The following DAB1 variants were observed in gnomAD, a reference collection of about 807,000 sequenced individuals.
DAB1 encodes the protein disabled homolog 1.
A neutral mutation model predicts 64.6 loss-of-function variants in DAB1; 15 were observed. The observed-to-expected ratio is 0.23, with a 90% confidence interval of 0.16 to 0.36. The LOEUF (loss-of-function observed/expected upper bound fraction) is 0.36. Among genes scored for constraint, DAB1 ranks in the 10% least tolerant of loss-of-function variants. DAB1 has a pLI of 1.00. For synonymous variants in DAB1, 235 were observed against 251.9 expected (o/e 0.93, Z 0.64); for missense variants, 596 against 706.7 (o/e 0.84, Z 1.78).
At chr1:58,504,223 G>A (rs140448341) in intron 3 of DAB1, among the ~76,000 whole-genome samples, 2 of 152,328 alleles carry the variant, frequency 1.3e-5, no homozygotes, top group Non-Finnish European at 2.9e-5. Context: ...AAGATCCTGC[G>A]TGGTCTGGTC....
chr1:58,408,774 C>T (rs1644640584), intron 3 of DAB1, among the ~76,000 whole-genome samples: 1 of 152,198 alleles, frequency 6.6e-6, no homozygotes, highest in Non-Finnish European at 1.5e-5. Context: ...TTACAAAACA[C>T]CCAAGTGGAG....
At chr1:57,345,892 G>A (rs2100843451) in intron 1 of DAB1, among the ~76,000 whole-genome samples, 1 of 152,264 alleles carries the variant, frequency 6.6e-6, no homozygotes. Context: ...CAATTTAAAT[G>A]TACAACATAC....
intron 9 of DAB1, among the ~76,000 whole-genome samples, chr1:57,032,086 T>C (rs541064725): frequency 6.6e-6 from 1 of 152,314 alleles, no homozygotes; most frequent in East Asian, 1.9e-4. Context: ...ATTAGTATAC[T>C]GGTCCTTCCA....
At chr1:57,486,759 T>A (rs1440335805) in intron 7 of DAB1, among the ~76,000 whole-genome samples, 1 of 151,998 alleles carries the variant, frequency 6.6e-6, no homozygotes, top group East Asian at 1.9e-4. Context: ...CAGAGGAGAA[T>A]GTCCCACTCC....
At chr1:57,097,152 T>C (rs2100678710) in intron 4 of DAB1, among the ~76,000 whole-genome samples, 1 of 152,204 alleles carries the variant, frequency 6.6e-6, no homozygotes, top group East Asian at 1.9e-4. Context: ...ATAAAAGGAG[T>C]AAAGAATGAA....
At chr1:57,729,612 T>A (rs1302990934) in intron 6 of DAB1, among the ~76,000 whole-genome samples, 1 of 152,188 alleles carries the variant, frequency 6.6e-6, no homozygotes, top group African/African-American at 2.4e-5. Flanking sequence ...AAATACATAT[T>A]TCAGTGGCTC....
intron 2 of DAB1, 118 bp from the exon 3 acceptor site, chr1:57,145,547 C>G (rs1038971475): frequency 2.9e-6 from 3 of 1,050,388 alleles, no homozygotes; most frequent in Non-Finnish European, 2.8e-6. Context: ...AGTCAAATCA[C>G]TGGACTCAGG....
chr1:58,432,973 G>A (rs1475436727), intron 3 of DAB1, among the ~76,000 whole-genome samples: 1 of 152,220 alleles, frequency 6.6e-6, no homozygotes, highest in African/African-American at 2.4e-5. Flanking sequence ...CATCCTGTCT[G>A]CCTCCCAGGC....
At chr1:57,951,377 T>A (rs1645276843) in intron 5 of DAB1, among the ~76,000 whole-genome samples, 1 of 141,080 alleles carries the variant, frequency 7.1e-6, no homozygotes, top group Admixed American at 7.5e-5. Flanking sequence ...TATGGCTAGA[T>A]ATTCTTTTTC....
chr1:58,435,849 T>G (rs1012567890), intron 3 of DAB1, among the ~76,000 whole-genome samples: 1 of 152,172 alleles, frequency 6.6e-6, no homozygotes, highest in Admixed American at 6.5e-5. Context: ...CACGTCTGAG[T>G]TATTGAACAA....
chr1:58,491,476 G>C (rs1299692469), intron 3 of DAB1, among the ~76,000 whole-genome samples: 1 of 152,080 alleles, frequency 6.6e-6, no homozygotes, highest in Non-Finnish European at 1.5e-5. Context: ...TGGCAAATTG[G>C]ATAAAGAGTC....
chr1:58,067,949 T>C (rs1361954591), intron 5 of DAB1, among the ~76,000 whole-genome samples: 2 of 152,246 alleles, frequency 1.3e-5, no homozygotes, highest in African/African-American at 4.8e-5. Flanking sequence ...CAACAAATTT[T>C]ATATACTATT....
At chr1:57,994,121 A>C (rs370450004) in intron 5 of DAB1, among the ~76,000 whole-genome samples, 42 of 152,290 alleles carry the variant, frequency 2.8e-4, no homozygotes, top group Admixed American at 7.8e-4. Context: ...CTGACTATTA[A>C]GTCTGGCAGC....
chr1:58,179,382 A>G (rs1656658487), intron 4 of DAB1, among the ~76,000 whole-genome samples: 1 of 152,092 alleles, frequency 6.6e-6, no homozygotes, highest in Admixed American at 6.5e-5. Context: ...CTCCTCTTCT[A>G]TATTTTGGAA....
intron 4 of DAB1, among the ~76,000 whole-genome samples, chr1:57,095,284 T>C (rs1015054208): frequency 1.4e-4 from 21 of 152,196 alleles, no homozygotes; most frequent in Admixed American, 1.3e-3. Context: ...CACTGCCTTG[T>C]TGGTTTGTCC....
chr1:57,968,434 T>G (rs1033314841), intron 5 of DAB1, among the ~76,000 whole-genome samples: 2 of 152,098 alleles, frequency 1.3e-5, no homozygotes, highest in Admixed American at 6.6e-5. Context: ...TTCTGAGAAT[T>G]TGGATAAAAG....
At chr1:57,630,190 G>T (rs1221274793) in intron 7 of DAB1, among the ~76,000 whole-genome samples, 1 of 152,112 alleles carries the variant, frequency 6.6e-6, no homozygotes, top group Non-Finnish European at 1.5e-5. Flanking sequence ...AACAGCCAAA[G>T]GACCAAATAT....
chr1:57,747,280 A>G (rs765435188), intron 6 of DAB1, among the ~76,000 whole-genome samples: 22 of 152,138 alleles, frequency 1.4e-4, no homozygotes, highest in Non-Finnish European at 5.9e-5. Flanking sequence ...ACCTTGGAAG[A>G]GTAGGGTTGT....
chr1:58,087,894 T>G (rs897464787), intron 5 of DAB1, among the ~76,000 whole-genome samples: 1 of 152,232 alleles, frequency 6.6e-6, no homozygotes, highest in Non-Finnish European at 1.5e-5. Flanking sequence ...ATTGAACATA[T>G]TCCAGATGAG....
Sources: gnomAD v4.1 joint callset for allele counts (sites outside exome capture counted in the v4.1 genomes callset) on GRCh38, gnomAD v4.1.1 for gene constraint, MANE v1.5 for transcripts, NCBI Gene and HGNC (gene_info 2026-07-23, HGNC 2026-07-21) for gene names.